Variants in LLGL2 observed in about 807,000 individuals in gnomAD.
The protein encoded by LLGL2 is LLGL scribble cell polarity complex component 2, also known as LLGL2, scribble cell polarity complex component.
LLGL2 carries 81 observed loss-of-function variants against 123.2 expected under a neutral mutation model. The observed-to-expected ratio is 0.66, with a 90% confidence interval of 0.55 to 0.79. LLGL2 has a LOEUF of 0.79. Among genes scored for constraint, LLGL2 ranks in the 30% least tolerant of loss-of-function variants. The pLI, the probability that LLGL2 is intolerant of heterozygous loss-of-function variation, is 0.00. For synonymous variants in LLGL2, 577 were observed against 594.1 expected (o/e 0.97, Z 0.42); for missense variants, 1,273 against 1,414.6 (o/e 0.90, Z 1.61).
chr17:75,527,167 C>CAA (rs200100321), intron 1 of LLGL2, among the ~76,000 whole-genome samples: 66,218 of 129,318 alleles, frequency 0.51, 17,638 homozygotes, highest in Non-Finnish European at 0.61. Flanking sequence ...GACCCTGTCT[C>CAA]AAAAAAAAAA....
At chr17:75,555,156 A>C (rs995934891) in intron 2 of LLGL2, among the ~76,000 whole-genome samples, 1 of 151,528 alleles carries the variant, frequency 6.6e-6, no homozygotes, top group Admixed American at 6.6e-5. Context: ...CAGCCTGGGC[A>C]ACAGAGCGAG....
intron 1 of LLGL2, among the ~76,000 whole-genome samples, chr17:75,541,660 G>A (rs114699441): frequency 0.033 from 4,848 of 148,970 alleles, 250 homozygotes; most frequent in African/African-American, 0.11. Flanking sequence ...CCTGGTATTC[G>A]GTTTTGAGAT....
rs751907418 is a variant in LLGL2, at chr17:75,571,822, G to A, written c.2293+39G>A. On this transcript the variant is annotated intron_variant, in intron 18 of 25. Transcript: ENST00000392550. The stretch of plus-strand genomic sequence containing the variant: ...AGGGAGAGCAGAGGGTGCTCGGGCT[G>A]CCTGGGCTGGGTCCAGGGAGTGGCT... 8.1e-6 allele frequency: 13 copies of A among 1,603,350 alleles called. No individual in the cohort carries two copies. The South Asian group carries it at 8.8e-5, about 11-fold the overall frequency.
chr17:75,560,176 C>G (rs2055137074), intron 6 of LLGL2, among the ~76,000 whole-genome samples: 1 of 152,220 alleles, frequency 6.6e-6, no homozygotes, highest in Non-Finnish European at 1.5e-5. Context: ...CTGCCCAGGG[C>G]AGGGCATGAC....
Position 75,573,006 on chromosome 17 carries a change from G to T in LLGL2, c.2461-8G>T. The T allele has an allele frequency of 6.3e-7, 1 of 1,595,972 alleles. No homozygotes were observed. Among genetic ancestry groups the T allele is most frequent in the Non-Finnish European group, 8.6e-7 (1 of 1,167,922 alleles). ...CCATGGGCATGAACAACCACCCCACGCCCCCAGGTGTTCACGCTGCCCAAG... is the reference window on the plus strand; with the variant it reads ...CCATGGGCATGAACAACCACCCCACTCCCCCAGGTGTTCACGCTGCCCAAG... On this transcript the variant is annotated splice_polypyrimidine_tract_variant and splice_region_variant and intron_variant, in intron 19 of 25. Coordinates refer to ENST00000392550, the MANE Select transcript of LLGL2 (RefSeq NM_001031803.2).
rs1568076972 is a variant in LLGL2, at chr17:75,571,916, TGCACCGGGCGCCGGTGGTGG to T, written c.2316_2335del (p.Arg773ProfsTer19). 6.2e-7 allele frequency: 1 copy of T among 1,612,400 alleles called. No homozygotes were observed. The highest frequency in any genetic ancestry group is 2.2e-5 in the East Asian group (1 of 44,860). ...CCCCTAGCCAAGGAGATCCAGCTGA[TGCACCGGGCGCCGGTGGTGG>T]GCATCCTGGTGCTCGACGGACACAG... On this transcript the variant is annotated frameshift_variant, in exon 19 of 26. Transcript: ENST00000392550. LOFTEE classifies it high-confidence loss of function.
At chr17:75,562,771 T>G (rs2055277628) in intron 6 of LLGL2, 2 of 546,048 alleles carry the variant, frequency 3.7e-6, no homozygotes, top group Non-Finnish European at 6.6e-6. Context: ...GGTTTTGCCA[T>G]GTTGGCCAGG....
At chr17:75,574,827 G>A (rs372600949) in intron 25 of LLGL2, 44 bp from the exon 26 acceptor site, 47 of 1,612,870 alleles carry the variant, frequency 2.9e-5, no homozygotes, top group African/African-American at 1.9e-4. Flanking sequence ...GGGGCACCCC[G>A]TCCTGCCCAG....
At chr17:75,567,497 G>C (rs1439115117) in intron 10 of LLGL2, among the ~76,000 whole-genome samples, 1 of 151,920 alleles carries the variant, frequency 6.6e-6, no homozygotes, top group Non-Finnish European at 1.5e-5. Flanking sequence ...AAATTAGCCA[G>C]GCGTGGTGGT....
rs1260742275 is a variant in LLGL2 at position 75,575,073 on chromosome 17, G to A, written c.*195G>A. ...CCCTGGGCTGCCCTTCCCGGGCCTC[G>A]TCTGTCTGGGTCCTTTGGTCAATGT... is the stretch of plus-strand genomic sequence containing the variant. On this transcript the variant is annotated 3_prime_UTR_variant, in exon 26 of 26. Transcript: ENST00000392550. 2.0e-5 allele frequency: 14 copies of A among 687,544 alleles called. No individual in the cohort carries two copies. The highest frequency in any genetic ancestry group is 1.1e-4 in the South Asian group (7 of 61,126). The allele number at this position is 687,544 out of a possible 1,614,324, so 42.6% of individuals were successfully genotyped here. A position where few individuals can be genotyped will look rare whatever the true frequency, so the allele number is the denominator to read the frequency against.
intron 6 of LLGL2, among the ~76,000 whole-genome samples, chr17:75,560,846 T>TG (rs926059177): frequency 2.3e-5 from 3 of 130,044 alleles, no homozygotes; most frequent in Non-Finnish European, 4.8e-5. Flanking sequence ...AGAAAAAACA[T>TG]TTTTTTTGAG....
At chr17:75,539,486 C>T (rs1189443124) in intron 1 of LLGL2, among the ~76,000 whole-genome samples, 1 of 152,026 alleles carries the variant, frequency 6.6e-6, no homozygotes, top group African/African-American at 2.4e-5. Flanking sequence ...TCAAGTGATC[C>T]TCCCACCTTG....
At position 75,558,120 on chromosome 17, in the gene LLGL2, C is replaced by T. The variant is rs2055001283; in HGVS notation, c.174-35C>T. ...ACTCAAGGCAGGCAGGGGATGGTGT[C>T]CGACCTTCCAGAGCTTTCCTGAGCC... On this transcript the variant is annotated intron_variant, in intron 3 of 25. Coordinates refer to ENST00000392550, the MANE Select transcript of LLGL2 (RefSeq NM_001031803.2). The surrounding 1 kb of genome is among the most constrained non-coding windows in gnomAD (Gnocchi z 4.0). 6.2e-7 allele frequency: 1 copy of T among 1,600,618 alleles called. No homozygotes were observed.
At chr17:75,529,879 T>G (rs2053713367) in intron 1 of LLGL2, among the ~76,000 whole-genome samples, 1 of 152,138 alleles carries the variant, frequency 6.6e-6, no homozygotes, top group South Asian at 2.1e-4. Flanking sequence ...ATAATAATAA[T>G]TTTTAAAAAA....
chr17:75,537,083 A>G (rs1318988777), intron 1 of LLGL2, among the ~76,000 whole-genome samples: 1 of 152,094 alleles, frequency 6.6e-6, no homozygotes, highest in African/African-American at 2.4e-5. Flanking sequence ...TCGGCCTCCC[A>G]AAGTGTTGGG....
chr17:75,563,522 G>A (rs1010854320), intron 8 of LLGL2, 59 bp downstream of exon 8: 20 of 1,599,252 alleles, frequency 1.3e-5, no homozygotes, highest in Non-Finnish European at 1.7e-5. Context: ...TTCAGGTGCA[G>A]GTTGCTCAAT....
chr17:75,559,388 A>C lies in LLGL2; in HGVS notation c.508A>C (p.Ser170Arg). Residue 170 changes from serine to arginine, a missense_variant, in exon 6 of 26, where the codon AGC (serine) becomes CGC (arginine). By Grantham distance (110) the Ser-to-Arg change is moderately radical. Transcript: ENST00000392550. This position sits in a 1 kb window ranked among gnomAD's most constrained non-coding sequence, Gnocchi z 4.6. ...AFRALEDRTI[S>R]SDAVLQRLPE... ...TCGTGCGCTGGAGGACCGGACCATCAGCTCGGACGCGGTGCTGCAGCGGTG... is the reference window on the plus strand; with the variant it reads ...TCGTGCGCTGGAGGACCGGACCATCCGCTCGGACGCGGTGCTGCAGCGGTG... The C allele has an allele frequency of 2.5e-6, 4 of 1,611,310 alleles. No homozygotes were observed. Among genetic ancestry groups the C allele is most frequent in the Non-Finnish European group, 3.4e-6 (4 of 1,179,146 alleles).
rs753658973 is a variant in LLGL2, at chr17:75,571,031, C to A, written c.2107C>A (p.Arg703Ser). Reference protein sequence around the residue: ...LAPVQRKIEARSAEDSFTGFV... With the variant: ...LAPVQRKIEASSAEDSFTGFV... ...GCCTGTGCAGCGCAAGATCGAGGCT[C>A]GCTCGGCAGAGGACTCCTTCACAGG... Residue 703 changes from arginine (R) to serine (S), a missense_variant, in exon 17 of 26, where the codon CGC becomes AGC. Physicochemically the swap from Arg to Ser is moderately radical, Grantham distance 110 (BLOSUM62 -1). Coordinates refer to ENST00000392550, the MANE Select transcript of LLGL2 (RefSeq NM_001031803.2). 1.2e-6 allele frequency: 2 copies of A among 1,613,060 alleles called. No homozygotes were observed. The highest frequency in any genetic ancestry group is 1.7e-5 in the Admixed American group (1 of 60,020).
chr17:75,570,823 C>T (rs564910569), intron 16 of LLGL2, 127 bp from the exon 17 acceptor site: 62 of 1,267,098 alleles, frequency 4.9e-5, no homozygotes, highest in Admixed American at 9.2e-5. Flanking sequence ...TCCCTCTAGA[C>T]GCAGGCCTGG....
Sources: gnomAD v4.1 joint callset for allele counts (sites outside exome capture counted in the v4.1 genomes callset) on GRCh38, gnomAD v4.1.1 for gene constraint, Gnocchi (gnomAD v3.1) non-coding constraint, MANE v1.5 for transcripts, NCBI Gene and HGNC (gene_info 2026-07-23, HGNC 2026-07-21) for gene names.